NRXN1: variants seen among roughly 807,000 people sequenced by gnomAD.
The protein encoded by NRXN1 is neurexin 1.
Under a neutral mutation model 150.9 loss-of-function variants are expected in NRXN1, and 39 were observed. The ratio of observed to expected loss-of-function variants is 0.26; its 90% confidence interval spans 0.20 to 0.34. NRXN1 has a LOEUF of 0.34. Ranked by LOEUF, NRXN1 falls within the 10% of genes least tolerant of loss-of-function variation. NRXN1 has a pLI of 1.00. For missense variants in NRXN1, 1,815 were observed against 1,949.9 expected, an observed-to-expected ratio of 0.93 and a Z score of 1.30; for synonymous variants, 924 against 757.0, an observed-to-expected ratio of 1.22 and a Z score of -3.62.
chr2:50,894,600 C>A (rs1017449807), intron 5 of NRXN1, among the ~76,000 whole-genome samples: 12 of 151,990 alleles, frequency 7.9e-5, no homozygotes, highest in Admixed American at 3.3e-4. Context: ...TGTCTAAGAT[C>A]TACTGAACAT....
chr2:50,841,169 G>A (rs79523235), intron 5 of NRXN1: 1 of 152,554 alleles, frequency 6.6e-6, no homozygotes, highest in Admixed American at 6.6e-5. Context: ...CAGACTAAAT[G>A]TGGACTTCTA....
chr2:50,038,124 C>G (rs1573546835), intron 21 of NRXN1, among the ~76,000 whole-genome samples: 1 of 152,162 alleles, frequency 6.6e-6, no homozygotes, highest in African/African-American at 2.4e-5. Flanking sequence ...GAGAGCGAAT[C>G]TGTAGATAGT....
At chr2:50,912,705 T>G (rs1248459125) in intron 5 of NRXN1, among the ~76,000 whole-genome samples, 1 of 151,384 alleles carries the variant, frequency 6.6e-6, no homozygotes, top group Non-Finnish European at 1.5e-5. Context: ...TTGAACATGT[T>G]TGATTAAAGA....
At chr2:50,552,365 T>C (rs1311934501) in intron 9 of NRXN1, among the ~76,000 whole-genome samples, 1 of 152,210 alleles carries the variant, frequency 6.6e-6, no homozygotes, top group East Asian at 1.9e-4. Context: ...TAAGAAGCTA[T>C]TTTAGAAGAC....
intron 5 of NRXN1, chr2:50,632,602 A>G (rs1682536460): frequency 6.6e-6 from 1 of 152,028 alleles, no homozygotes; most frequent in Non-Finnish European, 1.5e-5. Flanking sequence ...TCTAGTGTAC[A>G]TTAAAGTGTG....
At chr2:50,587,406 G>A (rs1673339127) in intron 8 of NRXN1, among the ~76,000 whole-genome samples, 1 of 152,250 alleles carries the variant, frequency 6.6e-6, no homozygotes, top group African/African-American at 2.4e-5. Context: ...GCTCACTTGA[G>A]CCCAGGATGG....
At chr2:50,103,348 G>A (rs10169371) in intron 18 of NRXN1, among the ~76,000 whole-genome samples, 91,654 of 151,772 alleles carry the variant, frequency 0.6, 28,615 homozygotes, top group African/African-American at 0.74. Context: ...TCTGCCTTAA[G>A]ATTTATGTCT....
intron 2 of NRXN1, among the ~76,000 whole-genome samples, chr2:50,966,455 T>C (rs1694100293): frequency 6.6e-6 from 1 of 151,730 alleles, no homozygotes; most frequent in Admixed American, 6.6e-5. Flanking sequence ...TTATTATTTT[T>C]CCCCCTGAGC....
chr2:50,919,102 G>C (rs1685627382), intron 5 of NRXN1: 1 of 151,798 alleles, frequency 6.6e-6, no homozygotes, highest in Non-Finnish European at 1.5e-5. Context: ...CCTATGAGAA[G>C]AATGAGTAAA....
Position 49,922,179 on chromosome 2 carries a change from GTGCTGC to G in NRXN1, c.4283_4288del (p.Ser1428_Ser1429del), listed in dbSNP as rs1404912483. ...TACTATCCCAACGACCATACCCGTG[GTGCTGC>G]TGGACTCCCGGATCACTTCTGCTGA... On this transcript the variant is annotated inframe_deletion, in exon 23 of 23. Transcript: ENST00000401669. 6.2e-7 allele frequency: 1 copy of G among 1,614,162 alleles called. No homozygotes were observed. Among genetic ancestry groups the G allele is most frequent in the Non-Finnish European group, 8.5e-7 (1 of 1,180,030 alleles).
At chr2:50,085,020 A>G (rs1432426533) in intron 19 of NRXN1, among the ~76,000 whole-genome samples, 1 of 152,238 alleles carries the variant, frequency 6.6e-6, no homozygotes, top group Non-Finnish European at 1.5e-5. Context: ...TTAAACAGGA[A>G]AAGTCAGAGT....
chr2:49,997,278 T>C (rs573915843), intron 21 of NRXN1, among the ~76,000 whole-genome samples: 2 of 152,282 alleles, frequency 1.3e-5, no homozygotes, highest in African/African-American at 2.4e-5. Context: ...AGTGTGACTA[T>C]TGACCATTGG....
In NRXN1 at chr2:50,053,699, A is replaced by G. The variant is rs1363391763; in HGVS notation, c.3809-109T>C. On this transcript the variant is annotated intron_variant, in intron 20 of 22. Transcript: ENST00000401669. ...GGGTGAATAATGAGAGCAATAAACT[A>G]TAAGAGAGGCATTTGACTCATAATT... 15 of 1,095,252 alleles carry G rather than the reference A, an allele frequency of 1.4e-5. No individual in the cohort carries two copies. In the East Asian group the frequency reaches 1.8e-4, roughly 13 times the overall value. The allele number at this position is 1,095,252 out of a possible 1,614,324, so 67.8% of individuals were successfully genotyped here. A position where few individuals can be genotyped will look rare whatever the true frequency, so the allele number is the denominator to read the frequency against.
chr2:50,105,628 G>C (rs187041267), intron 18 of NRXN1, among the ~76,000 whole-genome samples: 105 of 152,156 alleles, frequency 6.9e-4, no homozygotes, highest in East Asian at 3.9e-4. Context: ...GTTAGTCATG[G>C]AGTTTTCTAC....
intron 17 of NRXN1, among the ~76,000 whole-genome samples, chr2:50,249,922 G>A (rs1427423248): frequency 6.6e-6 from 1 of 152,082 alleles, no homozygotes; most frequent in Non-Finnish European, 1.5e-5. Flanking sequence ...ACAGGCGTGA[G>A]CCACCGTGCC....
chr2:50,636,620 G>A (rs1170773555), intron 5 of NRXN1, among the ~76,000 whole-genome samples: 1 of 152,094 alleles, frequency 6.6e-6, no homozygotes, highest in Non-Finnish European at 1.5e-5. Flanking sequence ...GCTTTTAAAA[G>A]GAACTTCCCA....
rs536597607 is a variant in NRXN1, at chr2:50,510,814, T to C, written c.2375-4197A>G. ...TCCACAGAAAATGATCTGCAAGTAG[T>C]GTAAGAGGTACAACGGGACTGAATG... On this transcript the variant is annotated intron_variant, in intron 12 of 22. Coordinates refer to ENST00000401669, the MANE Select transcript of NRXN1 (RefSeq NM_001330078.2). Among the ~76,000 whole-genome samples, 4 of 152,262 alleles carry C rather than the reference T, an allele frequency of 2.6e-5. No homozygotes were observed. The South Asian group carries it at 8.3e-4, about 32-fold the overall frequency.
intron 13 of NRXN1, among the ~76,000 whole-genome samples, chr2:50,501,634 C>A (rs1428073420): frequency 7.1e-6 from 1 of 140,106 alleles, no homozygotes; most frequent in Non-Finnish European, 1.6e-5. Flanking sequence ...AGGACATACA[C>A]ACACAGATTA....
chr2:50,275,661 T>C (rs1416352927), intron 17 of NRXN1, among the ~76,000 whole-genome samples: 4 of 152,228 alleles, frequency 2.6e-5, no homozygotes, highest in Non-Finnish European at 5.9e-5. Context: ...TAATTATTGA[T>C]TCATTGAGTC....
Sources: gnomAD v4.1 joint callset for allele counts (sites outside exome capture counted in the v4.1 genomes callset) on GRCh38, gnomAD v4.1.1 for gene constraint, MANE v1.5 for transcripts, NCBI Gene and HGNC (gene_info 2026-07-23, HGNC 2026-07-21) for gene names.